The following CAST variants were observed in gnomAD, a reference collection of about 807,000 sequenced individuals.
CAST encodes MIR583 host.
A neutral mutation model predicts 119.6 loss-of-function variants in CAST; 76 were observed. The ratio of observed to expected loss-of-function variants is 0.64; its 90% CI spans 0.53 to 0.77. The LOEUF (loss-of-function observed/expected upper bound fraction) is 0.77, where lower values mean the gene tolerates loss of function less well. CAST is among the 30% of genes least tolerant of loss of function. CAST has a pLI of 0.00. For missense variants in CAST, 953 were observed against 946.5 expected, an observed-to-expected ratio of 1.01 and a Z score of -0.09; for synonymous variants, 319 against 331.6, an observed-to-expected ratio of 0.96 and a Z score of 0.41.
chr5:96,163,286 G>A, the CAST span, among the ~76,000 whole-genome samples: 5,997 of 151,844 alleles, frequency 0.039, 378 homozygotes, highest in African/African-American at 0.13. Context: ...CTTTTTTTCT[G>A]TCAGTCCAGC....
At chr5:96,259,258 ATTCTGAACAC>A in the CAST span, among the ~76,000 whole-genome samples, 2 of 152,184 alleles carry the variant, frequency 1.3e-5, no homozygotes, top group Non-Finnish European at 2.9e-5. Context: ...TTTTCTGGGA[ATTCTGAACAC>A]TTCTTGCTAA....
chr5:96,360,925 C>T, the CAST span, among the ~76,000 whole-genome samples: 4 of 152,346 alleles, frequency 2.6e-5, no homozygotes, highest in East Asian at 7.7e-4. Flanking sequence ...GCTGAAACTG[C>T]ACCCACAGCT....
chr5:96,535,292 C>T (rs1333712893), intron 1 of CAST, among the ~76,000 whole-genome samples: 1 of 152,078 alleles, frequency 6.6e-6, no homozygotes, highest in African/African-American at 2.4e-5. Flanking sequence ...CAATAATTGG[C>T]ACAGCGAATA....
At chr5:96,086,786 T>C in the CAST span, among the ~76,000 whole-genome samples, 2 of 152,308 alleles carry the variant, frequency 1.3e-5, no homozygotes, top group Middle Eastern at 3.4e-3. Context: ...TGAGATCACT[T>C]CTACATGAGA....
At chr5:96,348,200 A>T in the CAST span, among the ~76,000 whole-genome samples, 129 of 152,218 alleles carry the variant, frequency 8.5e-4, no homozygotes, top group African/African-American at 2.9e-3. Context: ...TTAGAGTAAG[A>T]GTTGGAGGAA....
intron 1 of CAST, chr5:96,663,285 G>A (rs1455084251): frequency 2.9e-6 from 2 of 698,378 alleles, no homozygotes; most frequent in Non-Finnish European, 5.2e-6. Context: ...GGCGGGGAAG[G>A]GGTGCGGACC....
At chr5:96,009,091 G>A in the CAST span, among the ~76,000 whole-genome samples, 1 of 152,132 alleles carries the variant, frequency 6.6e-6, no homozygotes, top group Non-Finnish European at 1.5e-5. Context: ...GTGTTAATTT[G>A]TTTAGGATTA....
At chr5:96,358,566 T>C in the CAST span, among the ~76,000 whole-genome samples, 1 of 152,210 alleles carries the variant, frequency 6.6e-6, no homozygotes, top group Non-Finnish European at 1.5e-5. Context: ...ACTTATTTAT[T>C]TCTGCCTTAA....
chr5:96,338,388 CCTTCCTT>C, the CAST span, among the ~76,000 whole-genome samples: 1 of 152,172 alleles, frequency 6.6e-6, no homozygotes, highest in Non-Finnish European at 1.5e-5. Flanking sequence ...CCTATTCTTT[CCTTCCTT>C]CTTCCTTTGT....
At chr5:96,667,198 C>T (rs1749449681) in intron 1 of CAST, among the ~76,000 whole-genome samples, 1 of 152,100 alleles carries the variant, frequency 6.6e-6, no homozygotes, top group Non-Finnish European at 1.5e-5. Context: ...GTTATAGTTT[C>T]CTAAAAATGT....
At chr5:96,768,309 C>T in intron 29 of CAST, 1 of 413,360 alleles carries the variant, frequency 2.4e-6, no homozygotes, top group South Asian at 1.9e-5. Flanking sequence ...GTCTCGAGCT[C>T]TTGGGCTCAA....
chr5:96,576,426 TCTC>T (rs1746670408), intron 1 of CAST, among the ~76,000 whole-genome samples: 1 of 151,982 alleles, frequency 6.6e-6, no homozygotes. Context: ...CTCACTGCAA[TCTC>T]CTCCTTGGGG....
intron 1 of CAST, among the ~76,000 whole-genome samples, chr5:96,559,298 A>ACG (rs1412483328): frequency 8.5e-5 from 13 of 152,196 alleles, no homozygotes; most frequent in Non-Finnish European, 1.8e-4. Context: ...AAACTGGCTA[A>ACG]AGACAGGGAT....
At chr5:96,613,979 G>T (rs1004216519) in intron 1 of CAST, among the ~76,000 whole-genome samples, 1 of 151,824 alleles carries the variant, frequency 6.6e-6, no homozygotes, top group African/African-American at 2.4e-5. Context: ...TGTGAGGCTG[G>T]GTATCCTCAC....
chr5:96,403,430 A>T, the CAST span, among the ~76,000 whole-genome samples: 4 of 152,170 alleles, frequency 2.6e-5, no homozygotes, highest in Admixed American at 2.6e-4. Flanking sequence ...CCACCCCATG[A>T]CAGGCCCCGG....
At chr5:96,362,246 G>A in the CAST span, among the ~76,000 whole-genome samples, 14 of 152,120 alleles carry the variant, frequency 9.2e-5, no homozygotes, top group African/African-American at 3.4e-4. Context: ...ATGGACATTT[G>A]GGTTGGTTCC....
chr5:96,507,103 G>C, the CAST span, among the ~76,000 whole-genome samples: 2 of 152,082 alleles, frequency 1.3e-5, no homozygotes, highest in African/African-American at 4.8e-5. Flanking sequence ...CAGAGCCCTC[G>C]GGGAGGATGA....
intron 1 of CAST, among the ~76,000 whole-genome samples, chr5:96,610,074 G>A (rs1747331794): frequency 6.6e-6 from 1 of 152,148 alleles, no homozygotes; most frequent in Non-Finnish European, 1.5e-5. Context: ...GAATTATTGG[G>A]GGCAGGTTTT....
chr5:96,604,513 G>A (rs1185808634), intron 1 of CAST, among the ~76,000 whole-genome samples: 1 of 152,210 alleles, frequency 6.6e-6, no homozygotes, highest in Admixed American at 6.5e-5. Flanking sequence ...AAAGAGGTCA[G>A]TGAGACCAGC....
Sources: gnomAD v4.1 joint callset for allele counts (sites outside exome capture counted in the v4.1 genomes callset) on GRCh38, gnomAD v4.1.1 for gene constraint, MANE v1.5 for transcripts, NCBI Gene and HGNC (gene_info 2026-07-23, HGNC 2026-07-21) for gene names.